Variants in SMARCC1 observed in about 807,000 individuals in gnomAD.
The protein encoded by SMARCC1 is SWI/SNF related BAF chromatin remodeling complex subunit C1, also known as SWI/SNF complex subunit SMARCC1.
SMARCC1 carries 43 observed loss-of-function variants against 147.4 expected under a neutral mutation model. The ratio of observed to expected loss-of-function variants is 0.29; its 90% confidence interval spans 0.23 to 0.38. The LOEUF (loss-of-function observed/expected upper bound fraction) is 0.38, where lower values mean the gene tolerates loss of function less well. Among genes scored for constraint, SMARCC1 ranks in the 10% least tolerant of loss-of-function variants. The probability of loss-of-function intolerance (pLI) is 1.00; values close to 1 mark genes in which losing one functional copy is unlikely to be tolerated. For missense variants in SMARCC1, 1,119 were observed against 1,381.1 expected, an observed-to-expected ratio of 0.81 and a Z score of 3.01; for synonymous variants, 495 against 484.4, an observed-to-expected ratio of 1.02 and a Z score of -0.29.
intron 24 of SMARCC1, among the ~76,000 whole-genome samples, chr3:47,634,146 G>T (rs77665031): frequency 3.3e-5 from 5 of 152,254 alleles, no homozygotes; most frequent in Non-Finnish European, 5.9e-5. Context: ...GCTAATTTTA[G>T]TTATTAGGAA....
rs190943691 is a variant in SMARCC1, at chr3:47,703,541, G to C, written c.1041-2139C>G. On this transcript the variant is annotated intron_variant, in intron 10 of 27. Transcript: ENST00000254480. ...AATAATAAAGAAAGACAATGCTTCA[G>C]GATGTAGAATAATGGCCAAAAGGTA... Among the ~76,000 whole-genome samples, 4 of 152,224 alleles carry C rather than the reference G, an allele frequency of 2.6e-5. No homozygotes were observed. The East Asian group carries it at 7.7e-4, about 29-fold the overall frequency.
chr3:47,721,118 T>G (rs752769760), intron 6 of SMARCC1, among the ~76,000 whole-genome samples: 3 of 152,198 alleles, frequency 2.0e-5, no homozygotes, highest in Non-Finnish European at 4.4e-5. Context: ...TCTGTGAGGC[T>G]TAGCAATTAT....
chr3:47,604,381 A>G (rs1405233724), intron 26 of SMARCC1: 1 of 435,052 alleles, frequency 2.3e-6, no homozygotes, highest in Non-Finnish European at 4.6e-6. Context: ...ATCATATATC[A>G]TAAAGTCGAG....
intron 5 of SMARCC1, among the ~76,000 whole-genome samples, chr3:47,730,943 C>T (rs189167640): frequency 6.6e-6 from 1 of 151,774 alleles, no homozygotes; most frequent in Non-Finnish European, 1.5e-5. Flanking sequence ...GACACTGCCT[C>T]AATGATGCTG....
At chr3:47,680,789 C>T (rs900008507) in intron 14 of SMARCC1, among the ~76,000 whole-genome samples, 17 of 150,660 alleles carry the variant, frequency 1.1e-4, no homozygotes, top group African/African-American at 3.2e-4. Flanking sequence ...CCTCGTGATC[C>T]GCCCGCCTCG....
At chr3:47,710,994 A>G (rs1264734437) in intron 8 of SMARCC1, among the ~76,000 whole-genome samples, 186 bp from the exon 9 acceptor site, 4 of 152,236 alleles carry the variant, frequency 2.6e-5, no homozygotes, top group African/African-American at 9.6e-5. Context: ...CATATTAAAG[A>G]GAACAAGAAA....
chr3:47,762,301 A>G (rs893209436), intron 2 of SMARCC1, among the ~76,000 whole-genome samples: 1 of 152,182 alleles, frequency 6.6e-6, no homozygotes, highest in Non-Finnish European at 1.5e-5. Context: ...CTTCTTATTA[A>G]CTTCACGTTC....
At chr3:47,733,313 C>T (rs2034399021) in intron 5 of SMARCC1, among the ~76,000 whole-genome samples, 2 of 152,276 alleles carry the variant, frequency 1.3e-5, no homozygotes, top group Non-Finnish European at 2.9e-5. Context: ...TTCTGCGGCT[C>T]ACGCCTGCAA....
At chr3:47,713,943 T>G (rs972717658) in intron 8 of SMARCC1, among the ~76,000 whole-genome samples, 5 of 152,190 alleles carry the variant, frequency 3.3e-5, no homozygotes, top group Admixed American at 6.5e-5. Context: ...ATCTAAGACC[T>G]AGATAATAAA....
chr3:47,634,710 C>A (rs2032945660), intron 24 of SMARCC1, among the ~76,000 whole-genome samples: 1 of 152,162 alleles, frequency 6.6e-6, no homozygotes, highest in South Asian at 2.1e-4. Context: ...AAACCACCCC[C>A]AGAAAAGCTG....
chr3:47,624,239 C>T (rs937923571), intron 24 of SMARCC1, among the ~76,000 whole-genome samples: 2 of 151,696 alleles, frequency 1.3e-5, no homozygotes, highest in Non-Finnish European at 2.9e-5. Flanking sequence ...TGCAGTGAGC[C>T]GAGATCCCTC....
intron 1 of SMARCC1, 115 bp downstream of exon 1, chr3:47,781,488 T>G: frequency 1.5e-6 from 1 of 669,474 alleles, no homozygotes; most frequent in Non-Finnish European, 2.1e-6. Context: ...GGCGCCTGCC[T>G]TTGTTGTCCC....
chr3:47,585,668 G>A lies in SMARCC1; in HGVS notation c.*2541C>T, dbSNP rs935215533. 6.6e-6 allele frequency: 1 copy of A among 152,198 alleles called. No homozygotes were observed. Among genetic ancestry groups the A allele is most frequent in the African/African-American group, 2.4e-5 (1 of 41,452 alleles). The allele number at this position is 152,198 out of a possible 1,614,324, so 9.4% of individuals were successfully genotyped here. ...GCCAGGATGTTGGCCATCATTTTTG[G>A]AGAACTTCCACTCATTTTCACTTTG... On this transcript the variant is annotated 3_prime_UTR_variant, in exon 28 of 28. Coordinates refer to ENST00000254480, the MANE Select transcript of SMARCC1 (RefSeq NM_003074.4).
At chr3:47,643,750 T>C (rs2033082169) in intron 21 of SMARCC1, among the ~76,000 whole-genome samples, 1 of 152,132 alleles carries the variant, frequency 6.6e-6, no homozygotes, top group South Asian at 2.1e-4. Flanking sequence ...TGAGAGAAGA[T>C]ATGGAAGGAA....
intron 14 of SMARCC1, among the ~76,000 whole-genome samples, chr3:47,681,677 T>C (rs1293671294): frequency 1.3e-5 from 2 of 152,200 alleles, no homozygotes; most frequent in African/African-American, 2.4e-5. Flanking sequence ...TTTTGAATAT[T>C]TGGTAACATT....
chr3:47,589,429 C>T (rs191091642), intron 27 of SMARCC1, among the ~76,000 whole-genome samples: 1 of 152,092 alleles, frequency 6.6e-6, no homozygotes, highest in Non-Finnish European at 1.5e-5. Context: ...AGTGATACTA[C>T]CTCTGCAATA....
intron 25 of SMARCC1, among the ~76,000 whole-genome samples, chr3:47,621,767 T>G (rs1425032780): frequency 1.3e-5 from 2 of 149,790 alleles, no homozygotes; most frequent in Non-Finnish European, 3.0e-5. Flanking sequence ...AATATATCCA[T>G]GTAACAAACC....
intron 24 of SMARCC1, among the ~76,000 whole-genome samples, chr3:47,624,894 T>TAAAAA (rs60766054): frequency 8.9e-6 from 1 of 111,748 alleles, no homozygotes; most frequent in East Asian, 2.6e-4. Flanking sequence ...TACTAAAAAT[T>TAAAAA]AAAAAAAAAA....
At chr3:47,663,753 C>G (rs563818105) in intron 19 of SMARCC1, 1 of 1,521,428 alleles carries the variant, frequency 6.6e-7, no homozygotes, top group Non-Finnish European at 9.1e-7. Context: ...CACGAGAACC[C>G]GGTGGTACCC....
Sources: gnomAD v4.1 joint callset for allele counts (sites outside exome capture counted in the v4.1 genomes callset) on GRCh38, gnomAD v4.1.1 for gene constraint, MANE v1.5 for transcripts, NCBI Gene and HGNC (gene_info 2026-07-23, HGNC 2026-07-21) for gene names.